KIAA1217: variants seen among roughly 807,000 people sequenced by gnomAD.
KIAA1217 encodes KIAA1217.
A neutral mutation model predicts 163.9 loss-of-function variants in KIAA1217; 88 were observed. The ratio of observed to expected loss-of-function variants is 0.54; its 90% confidence interval spans 0.45 to 0.64. The LOEUF is 0.64. KIAA1217 is among the 30% of genes least tolerant of loss of function. KIAA1217 has a pLI of 0.00. For synonymous variants in KIAA1217, 903 were observed against 923.1 expected (o/e 0.98, Z 0.39); for missense variants, 2,372 against 2,475.0 (o/e 0.96, Z 0.88).
At chr10:23,961,086 A>G (rs1466626226) in intron 1 of KIAA1217, among the ~76,000 whole-genome samples, 2 of 152,244 alleles carry the variant, frequency 1.3e-5, no homozygotes, top group Non-Finnish European at 2.9e-5. Flanking sequence ...CTTTAAAGGT[A>G]GGAATTTTCA....
Position 23,716,972 on chromosome 10 carries a change from C to T in KIAA1217, c.-321+21738C>T, listed in dbSNP as rs1185179635. 2.0e-5 allele frequency among the ~76,000 whole-genome samples: 3 copies of T among 152,042 alleles called. No individual in the cohort carries two copies. In the East Asian group the frequency reaches 5.8e-4, roughly 29 times the overall value. ...TATTTATACTTGTCACTCTCCCATG[C>T]CTGTCATAGTCTATATTTATATTTC... On this transcript the variant is annotated intron_variant, in intron 1 of 18. Transcript: ENST00000376462.
At chr10:24,240,143 T>C (rs2072885183) in intron 2 of KIAA1217, among the ~76,000 whole-genome samples, 1 of 152,158 alleles carries the variant, frequency 6.6e-6, no homozygotes, top group Non-Finnish European at 1.5e-5. Context: ...CATTTGGATG[T>C]GATAGCAATC....
intron 2 of KIAA1217, among the ~76,000 whole-genome samples, chr10:24,355,221 A>C (rs773629068): frequency 6.9e-4 from 105 of 152,224 alleles, no homozygotes; most frequent in Non-Finnish European, 6.9e-4. Context: ...TCAGCCCCTC[A>C]GGATAGCAAG....
At chr10:23,933,368 G>C (rs180917031) in intron 1 of KIAA1217, among the ~76,000 whole-genome samples, 15 of 152,290 alleles carry the variant, frequency 9.8e-5, no homozygotes, top group Non-Finnish European at 2.1e-4. Flanking sequence ...GACCCAGGAC[G>C]TGCTCCTGGC....
intron 1 of KIAA1217, among the ~76,000 whole-genome samples, chr10:23,815,440 C>T (rs1005720316): frequency 2.0e-5 from 3 of 152,016 alleles, no homozygotes; most frequent in African/African-American, 4.8e-5. Context: ...GTCAGGAGAT[C>T]CAGACCATCC....
At chr10:24,177,459 T>C (rs1394735362) in intron 2 of KIAA1217, among the ~76,000 whole-genome samples, 2 of 151,038 alleles carry the variant, frequency 1.3e-5, no homozygotes, top group African/African-American at 4.9e-5. Context: ...CAATTGTGAA[T>C]TGTGTTGCTA....
intron 2 of KIAA1217, among the ~76,000 whole-genome samples, chr10:24,196,692 C>CAT (rs1042004862): frequency 6.4e-4 from 98 of 152,314 alleles, no homozygotes; most frequent in East Asian, 4.6e-3. Flanking sequence ...TGGACTTCTC[C>CAT]ATTGCACTAA....
At chr10:23,791,879 T>C (rs1455777038) in intron 1 of KIAA1217, among the ~76,000 whole-genome samples, 5 of 152,112 alleles carry the variant, frequency 3.3e-5, no homozygotes, top group Non-Finnish European at 5.9e-5. Flanking sequence ...TGATTTTTTT[T>C]CTCTGTTATC....
chr10:24,379,814 G>A (rs1336751744), intron 2 of KIAA1217, among the ~76,000 whole-genome samples: 1 of 152,144 alleles, frequency 6.6e-6, no homozygotes, highest in South Asian at 2.1e-4. Flanking sequence ...CACTTTGGGA[G>A]GCTGAGGCAG....
intron 1 of KIAA1217, among the ~76,000 whole-genome samples, chr10:23,837,729 T>TG (rs1383030794): frequency 2.0e-5 from 3 of 152,058 alleles, no homozygotes; most frequent in Non-Finnish European, 4.4e-5. Flanking sequence ...TTTTTAGAGA[T>TG]GGGGTCTCAC....
intron 1 of KIAA1217, among the ~76,000 whole-genome samples, chr10:23,734,693 T>C (rs1383589671): frequency 6.6e-6 from 1 of 152,238 alleles, no homozygotes; most frequent in African/African-American, 2.4e-5. Flanking sequence ...ATGTGATTTC[T>C]GCAACTGGCA....
intron 1 of KIAA1217, among the ~76,000 whole-genome samples, chr10:23,700,809 G>C (rs1836393087): frequency 6.6e-6 from 1 of 151,802 alleles, no homozygotes; most frequent in Admixed American, 6.6e-5. Context: ...ATCCTTTTTT[G>C]CACTAATTTC....
chr10:24,325,424 C>T (rs929665212), intron 2 of KIAA1217, among the ~76,000 whole-genome samples: 5 of 148,486 alleles, frequency 3.4e-5, no homozygotes, highest in South Asian at 2.1e-4. Flanking sequence ...GGCCCCTGAG[C>T]GGGCACCTAA....
intron 1 of KIAA1217, among the ~76,000 whole-genome samples, chr10:23,977,256 C>T (rs1432220621): frequency 2.0e-5 from 3 of 152,198 alleles, no homozygotes; most frequent in Admixed American, 1.3e-4. Context: ...AAAGTGCCAT[C>T]TTTCATGCTT....
At chr10:24,090,332 C>CTTTTTTTTTTTTTTTT (rs35966270) in intron 2 of KIAA1217, among the ~76,000 whole-genome samples, 2 of 58,936 alleles carry the variant, frequency 3.4e-5, no homozygotes, top group African/African-American at 2.3e-4. Context: ...ACATCCTGCT[C>CTTTTTTTTTTTTTTTT]TTTTTTTTTT....
intron 1 of KIAA1217, among the ~76,000 whole-genome samples, chr10:23,752,030 G>A (rs1478983856): frequency 6.6e-6 from 1 of 152,202 alleles, no homozygotes; most frequent in Admixed American, 6.5e-5. Context: ...CACATCATGA[G>A]CAATCCACCC....
Position 23,710,282 on chromosome 10 carries a change from T to G in KIAA1217, c.-321+15048T>G, listed in dbSNP as rs1043258615. On this transcript the variant is annotated intron_variant, in intron 1 of 18. Coordinates refer to the KIAA1217 transcript ENST00000376462. ...ATAGTTTAAAATTTTCCATTAATCCTTTGGTGTGTTCTAATCAAATAATGC... is the reference window on the plus strand; with the variant it reads ...ATAGTTTAAAATTTTCCATTAATCCGTTGGTGTGTTCTAATCAAATAATGC... Among the ~76,000 whole-genome samples the G allele has an allele frequency of 5.3e-5, 8 of 152,202 alleles. No individual in the cohort carries two copies. In the East Asian group the frequency reaches 1.5e-3, roughly 29 times the overall value.
At chr10:23,886,897 T>C (rs1360583070) in intron 1 of KIAA1217, among the ~76,000 whole-genome samples, 1 of 151,920 alleles carries the variant, frequency 6.6e-6, no homozygotes, top group African/African-American at 2.4e-5. Flanking sequence ...CATTGAATTT[T>C]GGAATCAAAT....
intron 1 of KIAA1217, among the ~76,000 whole-genome samples, chr10:23,897,192 A>C (rs1052931824): frequency 3.9e-5 from 6 of 152,112 alleles, no homozygotes; most frequent in Admixed American, 1.3e-4. Context: ...CAGATTCCAC[A>C]GATTGGAAAT....
Sources: gnomAD v4.1 joint callset for allele counts (sites outside exome capture counted in the v4.1 genomes callset) on GRCh38, gnomAD v4.1.1 for gene constraint, MANE v1.5 for transcripts, NCBI Gene and HGNC (gene_info 2026-07-23, HGNC 2026-07-21) for gene names.